The following CNTNAP4 variants were observed in gnomAD, a reference collection of about 807,000 sequenced individuals.
CNTNAP4 encodes the protein contactin-associated protein-like 4.
In CNTNAP4, 98 loss-of-function variants were observed where a neutral mutation model predicts 148.4. That is an observed-to-expected ratio of 0.66 (90% CI 0.56 to 0.78). The LOEUF is 0.78. Ranked by LOEUF, CNTNAP4 falls within the 30% of genes least tolerant of loss-of-function variation. The probability of loss-of-function intolerance (pLI) is 0.00; values close to 1 mark genes in which losing one functional copy is unlikely to be tolerated. For synonymous variants in CNTNAP4, 730 were observed against 565.1 expected (o/e 1.29, Z -4.14); for missense variants, 1,935 against 1,565.6 (o/e 1.24, Z -3.98).
At chr16:76,405,086 T>G (rs2078555702) in intron 3 of CNTNAP4, among the ~76,000 whole-genome samples, 1 of 152,158 alleles carries the variant, frequency 6.6e-6, no homozygotes, top group African/African-American at 2.4e-5. Context: ...GGAAAATCAT[T>G]TAATTTCTTG....
rs1184272785 is a variant in CNTNAP4, at chr16:76,553,344, C to G, written c.3504C>G (p.Leu1168=). 6 of 1,613,048 alleles carry G rather than the reference C, an allele frequency of 3.7e-6. No homozygotes were observed. Among genetic ancestry groups the G allele is most frequent in the Non-Finnish European group, 5.1e-6 (6 of 1,179,476 alleles). ...LAGAQGFTGC[L]SAVQLSHVAP... ...GTGCGCAGGGCTTCACAGGCTGCCT[C>G]TCTGCAGTGCAGCTCAGCCACGTGG... The change falls in exon 22 of 24, where the codon CTC becomes CTG. Residue 1168 remains leucine, a synonymous_variant. Coordinates refer to ENST00000611870, the MANE Select transcript of CNTNAP4 (RefSeq NM_033401.5).
chr16:76,518,640 C>T (rs975154604), intron 15 of CNTNAP4, among the ~76,000 whole-genome samples: 2 of 151,556 alleles, frequency 1.3e-5, no homozygotes, highest in African/African-American at 4.9e-5. Context: ...GTGTAATGAT[C>T]CAGTCAGGGG....
At chr16:76,397,871 G>T (rs960285694) in intron 3 of CNTNAP4, among the ~76,000 whole-genome samples, 6 of 141,502 alleles carry the variant, frequency 4.2e-5, no homozygotes, top group African/African-American at 1.6e-4. Flanking sequence ...TTCATGGACT[G>T]CCTAGGTTCT....
rs201353819 is a variant in CNTNAP4 at position 76,538,137 on chromosome 16, C to A, written c.3017C>A (p.Ser1006Tyr). ...CSNEISAYFGSGSSVIYNFQE... is the reference protein window; with the variant it reads ...CSNEISAYFGYGSSVIYNFQE... ...TCAGAGATTTCTGCATATTTTGGAT[C>A]TGGCTCATCCGTGATATACAATTTT... Residue 1006 changes from serine (S) to tyrosine (Y), a missense_variant, in exon 19 of 24, where the codon TCT (serine) becomes TAT (tyrosine). Ser to Tyr is a moderately radical substitution (Grantham distance 144). Coordinates refer to ENST00000611870, the MANE Select transcript of CNTNAP4 (RefSeq NM_033401.5). The A allele has an allele frequency of 4.0e-5, 60 of 1,510,200 alleles. No homozygotes were observed. In the African/African-American group the frequency reaches 7.6e-4, roughly 19 times the overall value. 93.5% of individuals were successfully genotyped at this position (1,510,200 alleles called of 1,614,324 possible). A position where few individuals can be genotyped will look rare whatever the true frequency, so the allele number is the denominator to read the frequency against.
intron 2 of CNTNAP4, among the ~76,000 whole-genome samples, chr16:76,328,030 G>A (rs899664334): frequency 6.6e-6 from 1 of 152,160 alleles, no homozygotes; most frequent in South Asian, 2.1e-4. Flanking sequence ...GAAGTGGAAC[G>A]AAATGCTTCC....
intron 10 of CNTNAP4, among the ~76,000 whole-genome samples, chr16:76,469,085 C>G (rs947579712): frequency 6.6e-6 from 1 of 152,124 alleles, no homozygotes; most frequent in Non-Finnish European, 1.5e-5. Flanking sequence ...ATTTGTCAAT[C>G]CTATTTTGAA....
chr16:76,368,866 G>C (rs576851838), intron 3 of CNTNAP4, among the ~76,000 whole-genome samples: 2 of 152,102 alleles, frequency 1.3e-5, no homozygotes, highest in East Asian at 3.9e-4. Context: ...AAGCTCCTCA[G>C]TTTACACTCG....
chr16:76,283,329 A>G (rs1456569534), intron 1 of CNTNAP4, among the ~76,000 whole-genome samples: 2 of 152,022 alleles, frequency 1.3e-5, no homozygotes, highest in Non-Finnish European at 2.9e-5. Context: ...GTTGTTTAAG[A>G]AATCGTTCTG....
intron 3 of CNTNAP4, among the ~76,000 whole-genome samples, chr16:76,413,188 A>G (rs71394259): frequency 0.35 from 52,839 of 150,992 alleles, 10,887 homozygotes; most frequent in Non-Finnish European, 0.44. Context: ...CTATCAAATA[A>G]TAGGTCTTAG....
At chr16:76,413,573 A>G (rs558552646) in intron 3 of CNTNAP4, among the ~76,000 whole-genome samples, 3,047 of 148,904 alleles carry the variant, frequency 0.02, 43 homozygotes, top group Middle Eastern at 0.059. Flanking sequence ...TAAAAAAAAA[A>G]CCCTCCAACT....
At chr16:76,536,610 T>C (rs2084225366) in intron 18 of CNTNAP4, among the ~76,000 whole-genome samples, 2 of 152,312 alleles carry the variant, frequency 1.3e-5, no homozygotes, top group African/African-American at 2.4e-5. Flanking sequence ...CAATATACCA[T>C]TAAATATCGA....
intron 15 of CNTNAP4, among the ~76,000 whole-genome samples, chr16:76,501,373 C>A (rs1368882935): frequency 1.3e-5 from 2 of 152,172 alleles, no homozygotes; most frequent in Non-Finnish European, 2.9e-5. Context: ...CTCTGCCTTC[C>A]TTATTTCATT....
chr16:76,451,093 C>A (rs554848524), intron 7 of CNTNAP4, among the ~76,000 whole-genome samples: 1 of 152,226 alleles, frequency 6.6e-6, no homozygotes, highest in South Asian at 2.1e-4. Context: ...TGCTGTCGGT[C>A]GGTTGGGCCA....
intron 15 of CNTNAP4, among the ~76,000 whole-genome samples, chr16:76,503,409 GAA>G (rs1487024971): frequency 3.9e-5 from 6 of 152,146 alleles, no homozygotes; most frequent in African/African-American, 1.4e-4. Context: ...GAGAATGAAT[GAA>G]ATAAAATGTC....
chr16:76,534,558 G>A (rs1317511459), intron 17 of CNTNAP4, among the ~76,000 whole-genome samples: 1 of 152,086 alleles, frequency 6.6e-6, no homozygotes, highest in Non-Finnish European at 1.5e-5. Context: ...AGTATTCCTG[G>A]ACACAAATTT....
chr16:76,520,134 A>G (rs778240036), intron 15 of CNTNAP4, among the ~76,000 whole-genome samples: 2 of 152,158 alleles, frequency 1.3e-5, no homozygotes, highest in African/African-American at 4.8e-5. Context: ...AAAGATGTAT[A>G]TTCGTATTTG....
At chr16:76,350,039 C>T (rs1421545898) in intron 2 of CNTNAP4, among the ~76,000 whole-genome samples, 3 of 151,948 alleles carry the variant, frequency 2.0e-5, no homozygotes, top group African/African-American at 4.8e-5. Flanking sequence ...CTTACCAGCA[C>T]TAAATATTGG....
At position 76,462,204 on chromosome 16, in the gene CNTNAP4, T is replaced by G; in HGVS notation, c.1483+99T>G. 6 of 1,035,506 alleles carry G rather than the reference T, an allele frequency of 5.8e-6. No homozygotes were observed. The South Asian group carries it at 1.1e-4, about 18-fold the overall frequency. 64.1% of individuals were successfully genotyped at this position (1,035,506 alleles called of 1,614,324 possible). A position where few individuals can be genotyped will look rare whatever the true frequency, so the allele number is the denominator to read the frequency against. ...ATCATGTTTTAACTAATATGAATAC[T>G]AAGGAATAATTTTTCACTGTCTTTG... On this transcript the variant is annotated intron_variant, in intron 9 of 23. Transcript: ENST00000611870.
intron 1 of CNTNAP4, among the ~76,000 whole-genome samples, chr16:76,305,671 C>T (rs1383127194): frequency 6.6e-6 from 1 of 152,084 alleles, no homozygotes; most frequent in African/African-American, 2.4e-5. Flanking sequence ...CAAGACCCAT[C>T]ATTCGTTTTT....
Sources: allele counts gnomAD v4.1 joint callset (sites outside exome capture counted in the v4.1 genomes callset), GRCh38; gene constraint gnomAD v4.1.1; transcripts MANE v1.5; gene names NCBI Gene and HGNC (gene_info 2026-07-23, HGNC 2026-07-21).